SRPRA: variants seen among roughly 807,000 people sequenced by gnomAD.
SRPRA encodes signal recognition particle receptor subunit alpha.
In SRPRA, 30 loss-of-function variants were observed where a neutral mutation model predicts 61.1. That is an observed-to-expected ratio of 0.49 (90% CI 0.37 to 0.67). The LOEUF (loss-of-function observed/expected upper bound fraction) is 0.67. Among genes scored for constraint, SRPRA ranks in the 30% least tolerant of loss-of-function variants. The pLI is 0.00. For synonymous variants in SRPRA, 324 were observed against 299.7 expected (o/e 1.08, Z -0.84); for missense variants, 759 against 828.4 (o/e 0.92, Z 1.03).
chr11:126,256,297 G>C, the SRPRA span, among the ~76,000 whole-genome samples: 1 of 152,198 alleles, frequency 6.6e-6, no homozygotes, highest in East Asian at 1.9e-4. The surrounding 1 kb of genome is among the most constrained non-coding windows in gnomAD (Gnocchi z 6.6). Context: ...AAATAAAGAA[G>C]TAAACTACTG....
Position 126,267,211 on chromosome 11 carries a change from CTTTTTCCTTGG to C in SRPRA, c.479_489del (p.Pro160ArgfsTer4), listed in dbSNP as rs1359519807. 1 of 1,614,064 alleles carries C rather than the reference CTTTTTCCTTGG, an allele frequency of 6.2e-7. No individual in the cohort carries two copies. Among genetic ancestry groups the C allele is most frequent in the Admixed American group, 1.7e-5 (1 of 60,004 alleles). On this transcript the variant is annotated frameshift_variant, in exon 4 of 14. Coordinates refer to ENST00000332118, the MANE Select transcript of SRPRA (RefSeq NM_003139.4). LOFTEE classifies it high-confidence loss of function. The surrounding 1 kb of genome is among the most constrained non-coding windows in gnomAD (Gnocchi z 4.2). ...GCCCCCTTTTTTTTGCTATTCTTTG[CTTTTTCCTTGG>C]GCTTTTCCCCCCGTGTCTCAATCAT... is the stretch of plus-strand genomic sequence containing the variant.
chr11:126,245,979 G>C, the SRPRA span, among the ~76,000 whole-genome samples: 2 of 149,766 alleles, frequency 1.3e-5, no homozygotes, highest in African/African-American at 4.9e-5. Flanking sequence ...CTGGGCAACA[G>C]GTACGAGACT....
At chr11:126,257,133 G>A in the SRPRA span, among the ~76,000 whole-genome samples, 1 of 152,220 alleles carries the variant, frequency 6.6e-6, no homozygotes, top group Non-Finnish European at 1.5e-5. Flanking sequence ...TTTGAATTTA[G>A]ATTACAAAAT....
At position 126,264,867 on chromosome 11, in the gene SRPRA, A is replaced by T; in HGVS notation, c.1525+92T>A. 8.2e-7 allele frequency: 1 copy of T among 1,220,302 alleles called. No homozygotes were observed. Among genetic ancestry groups the T allele is most frequent in the Non-Finnish European group, 1.1e-6 (1 of 882,670 alleles). The allele number at this position is 1,220,302 out of a possible 1,614,324, so 75.6% of individuals were successfully genotyped here. ...TACTGTAATTGACCAACGAGTCTGT[A>T]GTAGCACAAGCCTGATCTTCTGCAA... On this transcript the variant is annotated intron_variant, in intron 11 of 13. Transcript: ENST00000332118. This position sits in a 1 kb window ranked among gnomAD's most constrained non-coding sequence, Gnocchi z 5.0.
At chr11:126,251,843 C>T in the SRPRA span, among the ~76,000 whole-genome samples, 5 of 151,634 alleles carry the variant, frequency 3.3e-5, no homozygotes, top group African/African-American at 7.3e-5. Flanking sequence ...CCACAACGCC[C>T]GGCTAATTTT....
rs201027361 is a variant in SRPRA, at chr11:126,266,803, C to T, written c.646G>A (p.Glu216Lys). 2 of 1,614,160 alleles carry T rather than the reference C, an allele frequency of 1.2e-6. No individual in the cohort carries two copies. Among genetic ancestry groups the T allele is most frequent in the Admixed American group, 3.3e-5 (2 of 60,030 alleles). The stretch of plus-strand genomic sequence containing the variant: ...CCCCTCCCATGCTTCTGAATGAACT[C>T]CTCGCGCTTCCTGCGGATCAGCTCC... ...KEELIRRKRE[E>K]FIQKHGRGME... Residue 216 changes from glutamate to lysine, a missense_variant, in exon 5 of 14, where the codon GAG becomes AAG. Glu to Lys is a moderately conservative substitution (Grantham distance 56). Transcript: ENST00000332118.
rs773452082 is a variant in SRPRA, at chr11:126,264,320, A to C, written c.1690-31T>G. The C allele has an allele frequency of 6.2e-7, 1 of 1,613,620 alleles. No homozygotes were observed. Among genetic ancestry groups the C allele is most frequent in the East Asian group, 2.2e-5 (1 of 44,866 alleles). ...AAGAAAAAGTGATAGAAGTGTAAGA[A>C]CCATCTAAATTGACCAAAGCTCAAG... On this transcript the variant is annotated intron_variant, in intron 12 of 13. Transcript: ENST00000332118. The surrounding 1 kb of genome is among the most constrained non-coding windows in gnomAD (Gnocchi z 5.0).
chr11:126,265,826 G>A lies in SRPRA; in HGVS notation c.1052-3C>T, dbSNP rs539553994. 1.2e-6 allele frequency: 2 copies of A among 1,614,242 alleles called. No homozygotes were observed. The highest frequency in any genetic ancestry group is 2.2e-5 in the South Asian group (2 of 91,088). Reference sequence around the variant, plus strand: ...AATGTCTGCAGCCACGTTCTTAGCTGAGGAGAGGGGGACAGGTATGTCAGT... The same window carrying A: ...AATGTCTGCAGCCACGTTCTTAGCTAAGGAGAGGGGGACAGGTATGTCAGT... On this transcript the variant is annotated splice_region_variant and splice_polypyrimidine_tract_variant and intron_variant, in intron 8 of 13. Coordinates refer to ENST00000332118, the MANE Select transcript of SRPRA (RefSeq NM_003139.4). The surrounding 1 kb of genome is among the most constrained non-coding windows in gnomAD (Gnocchi z 6.3).
rs762985775 is a variant in SRPRA at position 126,265,142 on chromosome 11, T to C, written c.1342A>G (p.Ser448Gly). 7.4e-6 allele frequency: 12 copies of C among 1,614,058 alleles called. No individual in the cohort carries two copies. The highest frequency in any genetic ancestry group is 1.7e-5 in the Admixed American group (1 of 59,996). Residue 448 changes from serine (S) to glycine (G), a missense_variant, in exon 11 of 14, where the codon AGT becomes GGT. Physicochemically the swap from Ser to Gly is moderately conservative, Grantham distance 56 (BLOSUM62 0). This residue lies in a region of SRPRA where 284 missense variants were observed against 365.9 expected (regional missense o/e 0.78). Coordinates refer to ENST00000332118, the MANE Select transcript of SRPRA (RefSeq NM_003139.4). The surrounding 1 kb of genome is among the most constrained non-coding windows in gnomAD (Gnocchi z 6.3). ...GTATCACAGGCAGCAATGAGGACAC[T>C]GAAGCCATTCTCTAACAACCAGAAG... ...ISFWLLENGF[S>G]VLIAACDTFR...
chr11:126,241,338 C>T, the SRPRA span: 2 of 265,008 alleles, frequency 7.5e-6, no homozygotes, highest in Non-Finnish European at 1.4e-5. Flanking sequence ...TGCATCACTA[C>T]TATAAAAGCT....
chr11:126,240,777 G>C, the SRPRA span: 1 of 1,594,122 alleles, frequency 6.3e-7, no homozygotes, highest in East Asian at 2.2e-5. Context: ...CCTCTCATTT[G>C]TTTTGCTTTT....
rs777391608 is a variant in SRPRA at position 126,267,741 on chromosome 11, T to C, written c.202-29A>G. On this transcript the variant is annotated intron_variant, in intron 2 of 13. Transcript: ENST00000332118. This position sits in a 1 kb window ranked among gnomAD's most constrained non-coding sequence, Gnocchi z 4.2. ...TTTAGGGGAAGAAACAGCCAACAGATCTGCTTACATACTAGCCTAGAATGG... is the reference window on the plus strand; with the variant it reads ...TTTAGGGGAAGAAACAGCCAACAGACCTGCTTACATACTAGCCTAGAATGG... The C allele has an allele frequency of 6.2e-7, 1 of 1,613,554 alleles. No homozygotes were observed. The highest frequency in any genetic ancestry group is 8.5e-7 in the Non-Finnish European group (1 of 1,179,782).
the SRPRA span, chr11:126,245,381 T>C: frequency 6.6e-6 from 1 of 152,186 alleles, no homozygotes; most frequent in Non-Finnish European, 1.5e-5. Context: ...AATTTTTTTT[T>C]CTTTCAAAGC....
At chr11:126,249,142 G>T in the SRPRA span, among the ~76,000 whole-genome samples, 2 of 152,290 alleles carry the variant, frequency 1.3e-5, no homozygotes, top group Admixed American at 1.3e-4. Context: ...GGAGGCTGAG[G>T]TGGGAGGATC....
the SRPRA span, among the ~76,000 whole-genome samples, chr11:126,247,123 T>C: frequency 6.6e-6 from 1 of 152,116 alleles, no homozygotes; most frequent in Non-Finnish European, 1.5e-5. Context: ...TGAGACCCTG[T>C]CTGTACGAAA....
chr11:126,265,191 A>C lies in SRPRA; in HGVS notation c.1312-19T>G. ...AGGAAATCTGTGAAAAAGACGTAAG[A>C]AAAGTCACCTAAAGCCAGGATTTTG... On this transcript the variant is annotated intron_variant, in intron 10 of 13. Transcript: ENST00000332118. This position sits in a 1 kb window ranked among gnomAD's most constrained non-coding sequence, Gnocchi z 6.3. 1 of 1,614,090 alleles carries C rather than the reference A, an allele frequency of 6.2e-7. No homozygotes were observed. Among genetic ancestry groups the C allele is most frequent in the Non-Finnish European group, 8.5e-7 (1 of 1,179,946 alleles).
At chr11:126,248,983 C>T in the SRPRA span, among the ~76,000 whole-genome samples, 1 of 152,190 alleles carries the variant, frequency 6.6e-6, no homozygotes, top group Admixed American at 6.5e-5. Flanking sequence ...CAGTTTCCCA[C>T]CTGAAGTTGG....
the SRPRA span, among the ~76,000 whole-genome samples, chr11:126,239,567 A>C: frequency 1.3e-5 from 2 of 152,072 alleles, no homozygotes; most frequent in Non-Finnish European, 2.9e-5. Flanking sequence ...CAGGGACTCC[A>C]TTTTGTTCAT....
At chr11:126,241,636 G>A in the SRPRA span, among the ~76,000 whole-genome samples, 3 of 151,822 alleles carry the variant, frequency 2.0e-5, no homozygotes, top group Non-Finnish European at 2.9e-5. Flanking sequence ...GGCAGCCTCC[G>A]CCTCCTGGGT....
Sources: allele counts gnomAD v4.1 joint callset (sites outside exome capture counted in the v4.1 genomes callset), GRCh38; gene constraint gnomAD v4.1.1; regional missense constraint gnomAD v4.1.1; non-coding constraint Gnocchi (gnomAD v3.1); transcripts MANE v1.5; gene names NCBI Gene and HGNC (gene_info 2026-07-23, HGNC 2026-07-21).